ALCAM: variants seen among roughly 807,000 people sequenced by gnomAD.
ALCAM encodes CD166 antigen.
ALCAM carries 30 observed loss-of-function variants against 70.9 expected under a neutral mutation model. That is an observed-to-expected ratio of 0.42 (90% CI 0.32 to 0.57). The LOEUF (loss-of-function observed/expected upper bound fraction) is 0.57. Among genes scored for constraint, ALCAM ranks in the 20% least tolerant of loss-of-function variants. The probability of loss-of-function intolerance (pLI) is 0.11; values close to 1 mark genes in which losing one functional copy is unlikely to be tolerated. For synonymous variants in ALCAM, 249 were observed against 242.5 expected, an observed-to-expected ratio of 1.03 and a Z score of -0.25; for missense variants, 591 against 695.1, an observed-to-expected ratio of 0.85 and a Z score of 1.68.
At chr3:105,380,970 A>G (rs181430693) in intron 1 of ALCAM, among the ~76,000 whole-genome samples, 1 of 151,924 alleles carries the variant, frequency 6.6e-6, no homozygotes, top group African/African-American at 2.4e-5. Flanking sequence ...AGAGTTTGAG[A>G]ATATGGTGTC....
intron 1 of ALCAM, among the ~76,000 whole-genome samples, chr3:105,385,896 T>C (rs1402419838): frequency 3.3e-5 from 5 of 151,770 alleles, no homozygotes; most frequent in South Asian, 2.1e-4. Flanking sequence ...CAGAGTGCAT[T>C]TGAATATATT....
chr3:105,414,652 G>T (rs938434529), intron 1 of ALCAM, among the ~76,000 whole-genome samples: 13 of 152,034 alleles, frequency 8.6e-5, no homozygotes, highest in African/African-American at 3.1e-4. Flanking sequence ...GTAGGGTGCT[G>T]GTGTGCTTAT....
intron 1 of ALCAM, among the ~76,000 whole-genome samples, chr3:105,400,552 A>G (rs946182480): frequency 1.3e-5 from 2 of 152,200 alleles, no homozygotes; most frequent in Non-Finnish European, 2.9e-5. Flanking sequence ...GAAGAGTAAT[A>G]CAGTAATAAT....
At chr3:105,367,609 C>G (rs1364512940) in intron 1 of ALCAM, 128 bp downstream of exon 1, 2 of 1,083,014 alleles carry the variant, frequency 1.8e-6, no homozygotes, top group Non-Finnish European at 2.7e-6. Context: ...GGACCGCTGT[C>G]CTGGCACAGA....
chr3:105,466,949 T>C (rs1937755080), intron 1 of ALCAM, among the ~76,000 whole-genome samples: 1 of 151,396 alleles, frequency 6.6e-6, no homozygotes, highest in Non-Finnish European at 1.5e-5. Context: ...AACTGATTTA[T>C]AGAGCAAAAT....
chr3:105,486,049 C>T (rs893735951), intron 1 of ALCAM, among the ~76,000 whole-genome samples: 2 of 152,014 alleles, frequency 1.3e-5, no homozygotes, highest in Non-Finnish European at 1.5e-5. Context: ...TTGGATTAAA[C>T]AGTTGTTTCT....
chr3:105,382,702 AT>A (rs1468048022), intron 1 of ALCAM, among the ~76,000 whole-genome samples: 8 of 151,848 alleles, frequency 5.3e-5, no homozygotes, highest in African/African-American at 1.9e-4. Context: ...GATGATGAGC[AT>A]TTTTTCATGT....
At chr3:105,477,301 T>C (rs1234817848) in intron 1 of ALCAM, among the ~76,000 whole-genome samples, 1 of 152,150 alleles carries the variant, frequency 6.6e-6, no homozygotes, top group Non-Finnish European at 1.5e-5. Context: ...TCCCTTCAGT[T>C]TGAAGAACTA....
intron 1 of ALCAM, among the ~76,000 whole-genome samples, chr3:105,386,669 T>C (rs1935664120): frequency 6.6e-6 from 1 of 151,202 alleles, no homozygotes; most frequent in Admixed American, 6.6e-5. Context: ...TAAATATATA[T>C]ATATATATCT....
intron 14 of ALCAM, among the ~76,000 whole-genome samples, chr3:105,561,111 C>T (rs1940621624): frequency 1.3e-5 from 2 of 151,948 alleles, no homozygotes; most frequent in African/African-American, 4.8e-5. Context: ...TTGATATGTC[C>T]TTAAAAGTTT....
intron 14 of ALCAM, among the ~76,000 whole-genome samples, chr3:105,555,164 G>A (rs574612951): frequency 2.1e-3 from 315 of 152,054 alleles, no homozygotes; most frequent in Non-Finnish European, 3.7e-3. Flanking sequence ...TTAGGTGAGA[G>A]CCTCAAGCAT....
At chr3:105,508,715 T>C (rs938972226) in intron 1 of ALCAM, among the ~76,000 whole-genome samples, 1 of 152,176 alleles carries the variant, frequency 6.6e-6, no homozygotes, top group African/African-American at 2.4e-5. Flanking sequence ...CACATAGTTA[T>C]CATTTTTTGT....
intron 1 of ALCAM, among the ~76,000 whole-genome samples, chr3:105,418,092 A>T (rs1432954798): frequency 1.3e-5 from 2 of 151,858 alleles, no homozygotes; most frequent in Admixed American, 1.3e-4. Flanking sequence ...AATTCGTTAC[A>T]TTCTCATTTC....
intron 14 of ALCAM, among the ~76,000 whole-genome samples, chr3:105,555,586 G>A (rs1940497490): frequency 1.3e-5 from 2 of 151,962 alleles, no homozygotes; most frequent in Admixed American, 1.3e-4. Context: ...ATTTAGCTAA[G>A]TTCTTTGCAT....
chr3:105,386,799 C>T (rs557717657), intron 1 of ALCAM, among the ~76,000 whole-genome samples: 10 of 151,478 alleles, frequency 6.6e-5, no homozygotes, highest in East Asian at 5.8e-4. Flanking sequence ...AGATGCAAAG[C>T]GCTAATTCAG....
At chr3:105,512,676 T>A (rs1042810776) in intron 1 of ALCAM, among the ~76,000 whole-genome samples, 1 of 151,856 alleles carries the variant, frequency 6.6e-6, no homozygotes, top group Non-Finnish European at 1.5e-5. Context: ...CTAGACTAAA[T>A]TGAAGAAAAT....
At position 105,423,507 on chromosome 3, in the gene ALCAM, A is replaced by AC. The variant is rs1195289425; in HGVS notation, c.73+56026_73+56027insC. Among the ~76,000 whole-genome samples, 5 of 150,932 alleles carry AC rather than the reference A, an allele frequency of 3.3e-5. No homozygotes were observed. The South Asian group carries it at 6.2e-4, about 19-fold the overall frequency. On this transcript the variant is annotated intron_variant, in intron 1 of 15. Transcript: ENST00000306107. ...CATCTGTTCTTTCAGGGAAAAAAAA[A>AC]AAAAAGAAAACATCATATAATCAGG...
At position 105,438,883 on chromosome 3, in the gene ALCAM, T is replaced by TGAAG. The variant is rs547616602; in HGVS notation, c.73+71417_73+71420dup. 8.7e-5 allele frequency among the ~76,000 whole-genome samples: 13 copies of TGAAG among 148,736 alleles called. No individual in the cohort carries two copies. In the South Asian group the frequency reaches 2.8e-3, roughly 32 times the overall value. On this transcript the variant is annotated intron_variant, in intron 1 of 15. Coordinates refer to ENST00000306107, the MANE Select transcript of ALCAM (RefSeq NM_001627.4). The stretch of plus-strand genomic sequence containing the variant: ...TGAGATCTTGTTTAAAATAAATAAA[T>TGAAG]GAAGGAAGGAAGGAAGGAGGAAGCA...
At chr3:105,539,881 A>T in intron 6 of ALCAM, 94 bp from the exon 7 acceptor site, 2 of 1,322,210 alleles carry the variant, frequency 1.5e-6, no homozygotes, top group East Asian at 2.5e-5. Flanking sequence ...TAGCTTCTTG[A>T]GAAAATTATG....
Sources: gnomAD v4.1 joint callset for allele counts (sites outside exome capture counted in the v4.1 genomes callset) on GRCh38, gnomAD v4.1.1 for gene constraint, MANE v1.5 for transcripts, NCBI Gene and HGNC (gene_info 2026-07-23, HGNC 2026-07-21) for gene names.